CDH20: variants seen among roughly 807,000 people sequenced by gnomAD.
CDH20 encodes the protein cadherin 20.
A neutral mutation model predicts 74.2 loss-of-function variants in CDH20; 29 were observed. The observed-to-expected ratio is 0.39, with a 90% confidence interval of 0.29 to 0.53. The LOEUF (loss-of-function observed/expected upper bound fraction) is 0.53. Among genes scored for constraint, CDH20 ranks in the 20% least tolerant of loss-of-function variants. CDH20 has a pLI of 0.69. For missense variants in CDH20, 988 were observed against 1,048.3 expected, an observed-to-expected ratio of 0.94 and a Z score of 0.79; for synonymous variants, 469 against 405.4, an observed-to-expected ratio of 1.16 and a Z score of -1.88.
intron 8 of CDH20, among the ~76,000 whole-genome samples, chr18:61,537,525 A>G: frequency 6.6e-6 from 1 of 152,246 alleles, no homozygotes; most frequent in East Asian, 1.9e-4. Context: ...TCAATGACAA[A>G]GGATAACCTT....
At chr18:61,551,955 T>C (rs1913451327) in intron 11 of CDH20, among the ~76,000 whole-genome samples, 2 of 152,180 alleles carry the variant, frequency 1.3e-5, no homozygotes, top group Admixed American at 6.5e-5. Flanking sequence ...CCACCCACGA[T>C]GATGTCTTGT....
intron 6 of CDH20, among the ~76,000 whole-genome samples, chr18:61,521,765 C>T (rs1912216435): frequency 6.9e-6 from 1 of 144,032 alleles, no homozygotes. Context: ...AAGGCTGGTT[C>T]AACATATGCA....
intron 6 of CDH20, among the ~76,000 whole-genome samples, chr18:61,521,596 C>G (rs1254610261): frequency 6.6e-6 from 1 of 151,216 alleles, no homozygotes; most frequent in Admixed American, 6.6e-5. Flanking sequence ...ATCCTGATAC[C>G]AAAACCTGGC....
intron 5 of CDH20, among the ~76,000 whole-genome samples, chr18:61,504,149 C>A (rs751042883): frequency 6.6e-6 from 1 of 152,136 alleles, no homozygotes; most frequent in Non-Finnish European, 1.5e-5. Context: ...GCCATAGAAA[C>A]GTTTTTGAGC....
chr18:61,366,938 A>G (rs560723975), intron 1 of CDH20, among the ~76,000 whole-genome samples: 1 of 152,330 alleles, frequency 6.6e-6, no homozygotes, highest in South Asian at 2.1e-4. Context: ...TACGATGAAT[A>G]TATTAGGGCG....
At chr18:61,483,149 G>GT (rs1910645764) in intron 1 of CDH20, among the ~76,000 whole-genome samples, 1 of 152,094 alleles carries the variant, frequency 6.6e-6, no homozygotes, top group African/African-American at 2.4e-5. Context: ...CTAGCATTTT[G>GT]TTTTTTAAGG....
At chr18:61,335,785 T>C (rs1284111417) in intron 1 of CDH20, among the ~76,000 whole-genome samples, 1 of 152,256 alleles carries the variant, frequency 6.6e-6, no homozygotes, top group Non-Finnish European at 1.5e-5. Context: ...GTGAAAAGTT[T>C]GCTACACTGC....
chr18:61,554,582 T>C lies in CDH20; in HGVS notation c.2293T>C (p.Ser765Pro), dbSNP rs371541243. 2.9e-5 allele frequency: 47 copies of C among 1,608,938 alleles called. No homozygotes were observed. In the African/African-American group the frequency reaches 5.1e-4, roughly 17 times the overall value. Residue 765 changes from serine (S) to proline (P), a missense_variant, in exon 12 of 12, where the codon TCG becomes CCG. Physicochemically the swap from Ser to Pro is moderately conservative, Grantham distance 74 (BLOSUM62 -1). Around this residue, in one of 2 missense-constraint regions of CDH20, gnomAD observed 375 missense variants for 293.1 expected, o/e 1.28. Transcript: ENST00000262717. Reference protein sequence around the residue: ...SVAGSLSSLQSATSDSEQSFD... With the variant: ...SVAGSLSSLQPATSDSEQSFD... Reference sequence around the variant, plus strand: ...GGCGGGGTCGCTGAGCTCCCTGCAGTCGGCCACGTCGGACTCGGAACAGAG... The same window carrying C: ...GGCGGGGTCGCTGAGCTCCCTGCAGCCGGCCACGTCGGACTCGGAACAGAG...
chr18:61,347,230 C>A (rs1302668845), intron 1 of CDH20, among the ~76,000 whole-genome samples: 1 of 147,184 alleles, frequency 6.8e-6, no homozygotes, highest in African/African-American at 2.5e-5. Flanking sequence ...GGGTAGATCA[C>A]TTGAGACCAG....
intron 1 of CDH20, among the ~76,000 whole-genome samples, chr18:61,352,924 A>G (rs1273744917): frequency 1.3e-5 from 2 of 152,196 alleles, no homozygotes; most frequent in East Asian, 3.9e-4. Flanking sequence ...TGGCCTGCAT[A>G]AAAACACTAC....
chr18:61,364,372 G>A lies in CDH20; in HGVS notation c.-153+30545G>A, dbSNP rs142395926. 2.0e-5 allele frequency among the ~76,000 whole-genome samples: 3 copies of A among 152,228 alleles called. No individual in the cohort carries two copies. The East Asian group carries it at 5.8e-4, about 29-fold the overall frequency. On this transcript the variant is annotated intron_variant, in intron 1 of 11. Transcript: ENST00000262717. ...TTGTTGCCCAGGCTGGAGTGCAATG[G>A]CGTGATCTTGGCTCACCACAACCTC... is the stretch of plus-strand genomic sequence containing the variant.
intron 6 of CDH20, among the ~76,000 whole-genome samples, chr18:61,514,192 C>T (rs1393611789): frequency 6.7e-6 from 1 of 150,344 alleles, no homozygotes; most frequent in African/African-American, 2.4e-5. Context: ...GGAGGCTTTG[C>T]TCATTTCTTT....
chr18:61,448,526 T>C (rs1228586841), intron 1 of CDH20, among the ~76,000 whole-genome samples: 2 of 152,202 alleles, frequency 1.3e-5, no homozygotes, highest in Non-Finnish European at 1.5e-5. Flanking sequence ...AGTGCGACTG[T>C]GGCAGGAGGA....
intron 9 of CDH20, among the ~76,000 whole-genome samples, chr18:61,540,873 C>T (rs1913010744): frequency 1.3e-5 from 2 of 152,180 alleles, no homozygotes; most frequent in Admixed American, 1.3e-4. Flanking sequence ...TGATTTATGT[C>T]CCTCAGGGGA....
chr18:61,512,991 T>A (rs1031898128), intron 6 of CDH20, among the ~76,000 whole-genome samples: 1 of 152,038 alleles, frequency 6.6e-6, no homozygotes, highest in African/African-American at 2.4e-5. Flanking sequence ...TGATTTGGGG[T>A]GGAGAGTTCT....
chr18:61,491,328 GATTTA>G (rs1910953623), intron 2 of CDH20, among the ~76,000 whole-genome samples: 1 of 152,126 alleles, frequency 6.6e-6, no homozygotes, highest in Admixed American at 6.6e-5. Context: ...GAATTCTCTT[GATTTA>G]ATCTATCATT....
At chr18:61,542,024 T>A (rs892969592) in intron 9 of CDH20, among the ~76,000 whole-genome samples, 1 of 152,212 alleles carries the variant, frequency 6.6e-6, no homozygotes, top group African/African-American at 2.4e-5. Flanking sequence ...ACCAGCTCTG[T>A]GCCTCAGGCC....
intron 8 of CDH20, 21 bp from the exon 9 acceptor site, chr18:61,539,003 T>C: frequency 6.2e-7 from 1 of 1,606,884 alleles, no homozygotes; most frequent in Non-Finnish European, 8.5e-7. Flanking sequence ...TCAGATTTGG[T>C]TTTCCTTGTG....
chr18:61,446,630 G>A (rs766481510), intron 1 of CDH20, among the ~76,000 whole-genome samples: 10 of 151,952 alleles, frequency 6.6e-5, no homozygotes, highest in Non-Finnish European at 1.3e-4. Flanking sequence ...AGATTAGGAG[G>A]TTCTTCTAAT....
Sources: gnomAD v4.1 joint callset for allele counts (sites outside exome capture counted in the v4.1 genomes callset) on GRCh38, gnomAD v4.1.1 for gene constraint, gnomAD v4.1.1 regional missense constraint, MANE v1.5 for transcripts, NCBI Gene and HGNC (gene_info 2026-07-23, HGNC 2026-07-21) for gene names.